The following SORL1 variants were observed in gnomAD, a reference collection of about 807,000 sequenced individuals.
The protein encoded by SORL1 is sortilin related receptor 1.
A neutral mutation model predicts 273.7 loss-of-function variants in SORL1; 127 were observed. The ratio of observed to expected loss-of-function variants is 0.46; its 90% CI spans 0.40 to 0.54. SORL1 has a LOEUF of 0.54. SORL1 is among the 20% of genes least tolerant of loss of function. The probability of loss-of-function intolerance (pLI) is 0.00; values close to 1 mark genes in which losing one functional copy is unlikely to be tolerated. For synonymous variants in SORL1, 1,031 were observed against 1,067.4 expected, an observed-to-expected ratio of 0.97 and a Z score of 0.66; for missense variants, 2,494 against 2,846.1, an observed-to-expected ratio of 0.88 and a Z score of 2.81.
chr11:121,515,344 C>T (rs185487386), intron 8 of SORL1, among the ~76,000 whole-genome samples: 18 of 152,254 alleles, frequency 1.2e-4, no homozygotes, highest in Admixed American at 7.8e-4. Flanking sequence ...GGATTTGCAA[C>T]GGTGTTCTTT....
intron 40 of SORL1, among the ~76,000 whole-genome samples, chr11:121,614,043 A>G (rs1174975963): frequency 6.6e-6 from 1 of 152,256 alleles, no homozygotes; most frequent in Non-Finnish European, 1.5e-5. Flanking sequence ...ACCACAAAGT[A>G]TAGAGTCAGG....
At chr11:121,564,658 CCT>C (rs974739148) in intron 21 of SORL1, among the ~76,000 whole-genome samples, 4 of 152,058 alleles carry the variant, frequency 2.6e-5, no homozygotes, top group Non-Finnish European at 4.4e-5. Flanking sequence ...CTAACTGCAG[CCT>C]CTGTCTCCTG....
At chr11:121,612,866 G>A (rs377231558) in intron 40 of SORL1, 34 bp downstream of exon 40, 8 of 1,488,552 alleles carry the variant, frequency 5.4e-6, no homozygotes, top group East Asian at 2.3e-5. Context: ...GTGTGTGCAG[G>A]AAGGGGTAAG....
At chr11:121,611,183 A>G (rs927115019) in intron 39 of SORL1, 25 bp downstream of exon 39, 12 of 1,447,738 alleles carry the variant, frequency 8.3e-6, no homozygotes, top group African/African-American at 2.8e-5. Context: ...TCAAGCCAGC[A>G]GCTGGATGGG....
chr11:121,523,996 C>T (rs1167071035), intron 11 of SORL1, among the ~76,000 whole-genome samples: 1 of 152,222 alleles, frequency 6.6e-6, no homozygotes. Context: ...AGCCTTCTCT[C>T]ACTGTGGCAG....
intron 5 of SORL1, among the ~76,000 whole-genome samples, chr11:121,493,398 A>G (rs1280888943): frequency 6.6e-6 from 1 of 152,140 alleles, no homozygotes; most frequent in African/African-American, 2.4e-5. Flanking sequence ...CTGGGATTAC[A>G]GGCACCCACC....
chr11:121,590,659 C>T, intron 30 of SORL1: 1 of 616,420 alleles, frequency 1.6e-6, no homozygotes, highest in Non-Finnish European at 2.9e-6. Flanking sequence ...TTAACTAGAA[C>T]ACAATGCTTT....
chr11:121,581,275 A>T (rs1863011796), intron 25 of SORL1, among the ~76,000 whole-genome samples: 1 of 152,218 alleles, frequency 6.6e-6, no homozygotes, highest in African/African-American at 2.4e-5. Flanking sequence ...TATACTACTT[A>T]TTTCATCCAT....
At chr11:121,478,052 A>AT (rs1861306372) in intron 2 of SORL1, 66 bp from the exon 3 acceptor site, 6 of 1,291,208 alleles carry the variant, frequency 4.6e-6, no homozygotes, top group Non-Finnish European at 6.2e-6. Context: ...AAAAAAAAAA[A>AT]GAAAGATCTT....
At chr11:121,532,686 AC>A in intron 12 of SORL1, 134 bp downstream of exon 12, 2 of 703,278 alleles carry the variant, frequency 2.8e-6, no homozygotes, top group Non-Finnish European at 4.7e-6. Flanking sequence ...TATGAGTTAA[AC>A]TTTTTTTTTT....
chr11:121,579,730 A>G (rs1233171743), intron 25 of SORL1, among the ~76,000 whole-genome samples: 1 of 152,144 alleles, frequency 6.6e-6, no homozygotes, highest in African/African-American at 2.4e-5. Flanking sequence ...AAAATCCTAA[A>G]CTTCACTGTT....
chr11:121,589,147 C>G, intron 28 of SORL1, 112 bp from the exon 29 acceptor site: 3 of 1,191,748 alleles, frequency 2.5e-6, no homozygotes, highest in Non-Finnish European at 2.5e-6. Context: ...TTTAGCCAGA[C>G]AGTCCTTTGC....
rs932323645 is a variant in SORL1 at position 121,576,508 on chromosome 11, C to G, written c.3461-773C>G. On this transcript the variant is annotated intron_variant, in intron 24 of 47. Transcript: ENST00000260197. Reference sequence around the variant, plus strand: ...ACATTGGTGATTAAGTTTCAACATACAAATTTGAAGTTTCAACATATGAAG... The same window carrying G: ...ACATTGGTGATTAAGTTTCAACATAGAAATTTGAAGTTTCAACATATGAAG... 3.9e-5 allele frequency among the ~76,000 whole-genome samples: 6 copies of G among 152,230 alleles called. No individual in the cohort carries two copies. The East Asian group carries it at 5.8e-4, about 15-fold the overall frequency.
intron 46 of SORL1, among the ~76,000 whole-genome samples, chr11:121,626,023 C>A (rs1162535442): frequency 6.6e-6 from 1 of 152,288 alleles, no homozygotes; most frequent in Admixed American, 6.5e-5. Flanking sequence ...TGGCACCCCC[C>A]ACTAAGAGAG....
At position 121,574,234 on chromosome 11, in the gene SORL1, A is replaced by G. The variant is rs751917208; in HGVS notation, c.3338-7A>G. 22 of 1,613,516 alleles carry G rather than the reference A, an allele frequency of 1.4e-5. No homozygotes were observed. Among genetic ancestry groups the G allele is most frequent in the Non-Finnish European group, 1.9e-5 (22 of 1,179,624 alleles). Reference sequence around the variant, plus strand: ...AAGGAATATGTTGTCTTTCTATCCCATTTTAGCTACCACCATCTGTGACCT... The same window carrying G: ...AAGGAATATGTTGTCTTTCTATCCCGTTTTAGCTACCACCATCTGTGACCT... On this transcript the variant is annotated splice_region_variant and splice_polypyrimidine_tract_variant and intron_variant, in intron 23 of 47. Transcript: ENST00000260197.
At chr11:121,505,407 G>A (rs926379496) in intron 6 of SORL1, among the ~76,000 whole-genome samples, 10 of 151,604 alleles carry the variant, frequency 6.6e-5, no homozygotes, top group African/African-American at 2.4e-4. Flanking sequence ...TCAATATATT[G>A]TTTGAGTAAT....
intron 35 of SORL1, among the ~76,000 whole-genome samples, 174 bp downstream of exon 35, chr11:121,605,745 T>G (rs571800597): frequency 1.3e-5 from 2 of 152,354 alleles, no homozygotes; most frequent in South Asian, 4.1e-4. Flanking sequence ...TTCTTCTTAC[T>G]GCATCAGAGA....
At chr11:121,515,155 T>C (rs555170078) in intron 8 of SORL1, among the ~76,000 whole-genome samples, 84 of 152,350 alleles carry the variant, frequency 5.5e-4, no homozygotes, top group South Asian at 2.1e-3. Flanking sequence ...ATGCTGCTGC[T>C]CTCTGCCAGA....
At chr11:121,499,982 G>C (rs1001752037) in intron 6 of SORL1, among the ~76,000 whole-genome samples, 1 of 152,230 alleles carries the variant, frequency 6.6e-6, no homozygotes, top group Non-Finnish European at 1.5e-5. Flanking sequence ...CAGGTCTTCA[G>C]AACCTCCTGG....
Sources: allele counts gnomAD v4.1 joint callset (sites outside exome capture counted in the v4.1 genomes callset), GRCh38; gene constraint gnomAD v4.1.1; transcripts MANE v1.5; gene names NCBI Gene and HGNC (gene_info 2026-07-23, HGNC 2026-07-21).